Variants in CLSTN2 observed in about 807,000 individuals in gnomAD.
The protein encoded by CLSTN2 is calsyntenin 2, also known as calsyntenin-2.
Under a neutral mutation model 101.2 loss-of-function variants are expected in CLSTN2, and 48 were observed. The ratio of observed to expected loss-of-function variants is 0.47; its 90% CI spans 0.38 to 0.60. The LOEUF is 0.60. Ranked by LOEUF, CLSTN2 falls within the 20% of genes least tolerant of loss-of-function variation. The pLI is 0.00. For missense variants in CLSTN2, 1,160 were observed against 1,238.2 expected (o/e 0.94, Z 0.95); for synonymous variants, 481 against 463.6 (o/e 1.04, Z -0.48).
chr3:140,419,222 C>T (rs983083421), intron 4 of CLSTN2, among the ~76,000 whole-genome samples: 1 of 151,184 alleles, frequency 6.6e-6, no homozygotes, highest in Non-Finnish European at 1.5e-5. Context: ...TTGGCTCACA[C>T]CTGTAATCCC....
At chr3:140,152,641 G>A (rs16849978) in intron 1 of CLSTN2, among the ~76,000 whole-genome samples, 5,290 of 152,218 alleles carry the variant, frequency 0.035, 319 homozygotes, top group African/African-American at 0.12. Context: ...TGGTGCTCAC[G>A]TTCTATTAGT....
intron 10 of CLSTN2, among the ~76,000 whole-genome samples, chr3:140,555,757 A>G (rs900191464): frequency 9.2e-5 from 14 of 152,192 alleles, no homozygotes; most frequent in African/African-American, 3.4e-4. Flanking sequence ...TCCCTGCCTC[A>G]TTCCAAGAAG....
chr3:140,381,788 T>G (rs2087988434), intron 2 of CLSTN2, among the ~76,000 whole-genome samples: 1 of 152,238 alleles, frequency 6.6e-6, no homozygotes, highest in Non-Finnish European at 1.5e-5. Context: ...TAAATCAGTT[T>G]GCTGAACTGA....
chr3:140,087,260 C>T (rs898710562), intron 1 of CLSTN2, among the ~76,000 whole-genome samples: 2 of 152,060 alleles, frequency 1.3e-5, no homozygotes, highest in African/African-American at 4.8e-5. Flanking sequence ...GAATTGTTTC[C>T]CTTAATTCAA....
chr3:140,154,197 G>C (rs2009912823), intron 1 of CLSTN2, among the ~76,000 whole-genome samples: 1 of 152,136 alleles, frequency 6.6e-6, no homozygotes, highest in Non-Finnish European at 1.5e-5. Flanking sequence ...CTTCAAGAAG[G>C]GGTTATCAGA....
At chr3:140,189,584 T>C (rs1316212117) in intron 2 of CLSTN2, among the ~76,000 whole-genome samples, 1 of 152,238 alleles carries the variant, frequency 6.6e-6, no homozygotes, top group East Asian at 1.9e-4. Context: ...ATAATTGCAT[T>C]AGGATTTTTG....
intron 2 of CLSTN2, among the ~76,000 whole-genome samples, chr3:140,262,752 A>G (rs368713990): frequency 6.6e-6 from 1 of 152,242 alleles, no homozygotes; most frequent in Admixed American, 6.5e-5. Flanking sequence ...TGATGAGAGT[A>G]AAGGTTTTTG....
chr3:140,526,682 A>T (rs1935148687), intron 8 of CLSTN2, among the ~76,000 whole-genome samples: 1 of 152,110 alleles, frequency 6.6e-6, no homozygotes, highest in Non-Finnish European at 1.5e-5. Flanking sequence ...TCGACTTCAA[A>T]TTATACCATA....
chr3:140,443,145 A>G (rs898305084), intron 5 of CLSTN2, among the ~76,000 whole-genome samples: 4 of 152,216 alleles, frequency 2.6e-5, no homozygotes, highest in Admixed American at 6.5e-5. Context: ...GTGTAAATCC[A>G]GCAATTTCCT....
At chr3:140,263,160 A>G (rs1000497239) in intron 2 of CLSTN2, among the ~76,000 whole-genome samples, 2 of 152,170 alleles carry the variant, frequency 1.3e-5, no homozygotes, top group East Asian at 1.9e-4. Flanking sequence ...GAAGAAAAAG[A>G]AGGGGTTATT....
chr3:140,199,153 T>A lies in CLSTN2; in HGVS notation c.232+23080T>A, dbSNP rs375564579. On this transcript the variant is annotated intron_variant, in intron 2 of 16. Coordinates refer to ENST00000458420, the MANE Select transcript of CLSTN2 (RefSeq NM_022131.3). ...CGGGCCTATCTTTCCATGTGTGAGT[T>A]TCCTTATCTTGTAAGTACGCAGAAT... Among the ~76,000 whole-genome samples, 32 of 152,308 alleles carry A rather than the reference T, an allele frequency of 2.1e-4. No homozygotes were observed. In the South Asian group the frequency reaches 6.2e-3, roughly 30 times the overall value.
intron 1 of CLSTN2, among the ~76,000 whole-genome samples, chr3:140,047,761 C>G (rs1421328238): frequency 2.6e-5 from 4 of 152,198 alleles, no homozygotes; most frequent in Admixed American, 2.6e-4. Flanking sequence ...AAAGCCACCA[C>G]TCCTGTTCCC....
chr3:140,083,223 G>A lies in CLSTN2; in HGVS notation c.110-92728G>A, dbSNP rs370765240. On this transcript the variant is annotated intron_variant, in intron 1 of 16. Transcript: ENST00000458420. ...TAATGTCGTCTTCTCAAGACTGTAA[G>A]CTCTATGATCTAATTTTTTCACCAC... is the stretch of plus-strand genomic sequence containing the variant. Among the ~76,000 whole-genome samples, 13 of 151,720 alleles carry A rather than the reference G, an allele frequency of 8.6e-5. No homozygotes were observed. In the East Asian group the frequency reaches 2.1e-3, roughly 25 times the overall value.
intron 2 of CLSTN2, among the ~76,000 whole-genome samples, chr3:140,346,991 G>T (rs150356114): frequency 8.5e-5 from 13 of 152,324 alleles, no homozygotes; most frequent in African/African-American, 3.1e-4. Context: ...AATACTGAAA[G>T]AATGTCTTTT....
chr3:140,431,116 G>A (rs372965979), intron 5 of CLSTN2, among the ~76,000 whole-genome samples: 14 of 152,328 alleles, frequency 9.2e-5, no homozygotes, highest in East Asian at 7.7e-4. Flanking sequence ...ACCTGGAAAT[G>A]GTAGCTGGAG....
chr3:140,308,687 A>G (rs2087136776), intron 2 of CLSTN2, among the ~76,000 whole-genome samples: 1 of 152,208 alleles, frequency 6.6e-6, no homozygotes, highest in African/African-American at 2.4e-5. Flanking sequence ...CTGGATGTTG[A>G]CAGTGTTGAC....
chr3:140,161,212 A>G (rs2010041667), intron 1 of CLSTN2, among the ~76,000 whole-genome samples: 1 of 152,174 alleles, frequency 6.6e-6, no homozygotes, highest in South Asian at 2.1e-4. Context: ...AAAATCTCCA[A>G]GATCATGATT....
chr3:139,965,651 C>G (rs1198119654), intron 1 of CLSTN2, among the ~76,000 whole-genome samples: 1 of 152,216 alleles, frequency 6.6e-6, no homozygotes, highest in Non-Finnish European at 1.5e-5. Context: ...TCTCAGGCTT[C>G]CAACCTCAAA....
At chr3:140,422,032 G>T (rs778047652) in intron 5 of CLSTN2, among the ~76,000 whole-genome samples, 1 of 152,096 alleles carries the variant, frequency 6.6e-6, no homozygotes, top group Non-Finnish European at 1.5e-5. Context: ...TATTTTGGCT[G>T]CCCGATGACT....
Sources: gnomAD v4.1 joint callset for allele counts (sites outside exome capture counted in the v4.1 genomes callset) on GRCh38, gnomAD v4.1.1 for gene constraint, MANE v1.5 for transcripts, NCBI Gene and HGNC (gene_info 2026-07-23, HGNC 2026-07-21) for gene names.